The following ELP4 variants were observed in gnomAD, a reference collection of about 807,000 sequenced individuals.
ELP4 encodes the protein elongator acetyltransferase complex subunit 4.
A neutral mutation model predicts 48.9 loss-of-function variants in ELP4; 51 were observed. The observed-to-expected ratio is 1.04, with a 90% CI of 0.83 to 1.32. The LOEUF (loss-of-function observed/expected upper bound fraction) is 1.32, where lower values mean the gene tolerates loss of function less well. Among genes scored for constraint, ELP4 ranks in the 40% most tolerant of loss-of-function variants. The pLI is 0.00. For missense variants in ELP4, 519 were observed against 514.6 expected, an observed-to-expected ratio of 1.01 and a Z score of -0.08; for synonymous variants, 210 against 189.2, an observed-to-expected ratio of 1.11 and a Z score of -0.90.
At chr11:31,679,417 G>A (rs1946009602) in intron 9 of ELP4, among the ~76,000 whole-genome samples, 1 of 152,140 alleles carries the variant, frequency 6.6e-6, no homozygotes, top group Non-Finnish European at 1.5e-5. Context: ...AGTTCTGGAG[G>A]TCAGAAGTCT....
intron 9 of ELP4, among the ~76,000 whole-genome samples, chr11:31,724,882 A>G (rs942549614): frequency 2.0e-5 from 3 of 152,194 alleles, no homozygotes; most frequent in African/African-American, 7.2e-5. Context: ...TAAAATTTTA[A>G]TCTCAAATAT....
At chr11:31,638,133 T>C (rs1945019069) in intron 7 of ELP4, among the ~76,000 whole-genome samples, 1 of 151,916 alleles carries the variant, frequency 6.6e-6, no homozygotes, top group Admixed American at 6.6e-5. Context: ...TTATTGCTAA[T>C]CTTTATTCAA....
intron 9 of ELP4, among the ~76,000 whole-genome samples, chr11:31,732,986 C>G (rs558285577): frequency 1.3e-5 from 2 of 151,882 alleles, no homozygotes; most frequent in Non-Finnish European, 2.9e-5. Context: ...GATTTCATAC[C>G]CCACTTTAAA....
intron 9 of ELP4, among the ~76,000 whole-genome samples, chr11:31,687,038 A>G (rs891355091): frequency 1.3e-5 from 2 of 152,158 alleles, no homozygotes; most frequent in Non-Finnish European, 2.9e-5. Context: ...AGATAAAATC[A>G]ACTGAACTTA....
chr11:31,601,925 T>C (rs1191528299), intron 4 of ELP4, among the ~76,000 whole-genome samples: 2 of 152,100 alleles, frequency 1.3e-5, no homozygotes, highest in African/African-American at 4.8e-5. Context: ...CCACCCAGTT[T>C]GTAGGCACTC....
chr11:31,542,892 T>A (rs189536866), intron 3 of ELP4, among the ~76,000 whole-genome samples: 1 of 152,202 alleles, frequency 6.6e-6, no homozygotes, highest in South Asian at 2.1e-4. Flanking sequence ...ACAAGTATAT[T>A]ATAAATATTC....
chr11:31,573,143 C>T (rs1010508505), intron 3 of ELP4, among the ~76,000 whole-genome samples: 1 of 152,154 alleles, frequency 6.6e-6, no homozygotes, highest in Non-Finnish European at 1.5e-5. Context: ...AGTAAATGTT[C>T]ACAGTTTTAT....
At chr11:31,621,857 G>A (rs1185177605) in intron 5 of ELP4, among the ~76,000 whole-genome samples, 2 of 151,742 alleles carry the variant, frequency 1.3e-5, no homozygotes, top group Non-Finnish European at 2.9e-5. Context: ...TCTCACTGTG[G>A]GGCTTTATCT....
At chr11:31,742,547 A>T (rs1416061491) in intron 9 of ELP4, among the ~76,000 whole-genome samples, 1 of 152,216 alleles carries the variant, frequency 6.6e-6, no homozygotes, top group Non-Finnish European at 1.5e-5. Flanking sequence ...CTAACGGCTG[A>T]TCTCTCTGCA....
chr11:31,523,830 A>G (rs899542559), intron 2 of ELP4, among the ~76,000 whole-genome samples: 7 of 152,280 alleles, frequency 4.6e-5, no homozygotes, highest in East Asian at 1.9e-4. Flanking sequence ...TGTTTTATCT[A>G]TATTACTTTC....
chr11:31,741,824 T>A (rs192900615), intron 9 of ELP4, among the ~76,000 whole-genome samples: 3 of 152,074 alleles, frequency 2.0e-5, no homozygotes, highest in African/African-American at 7.2e-5. Context: ...CTGGAAACTC[T>A]AAAAATCACA....
rs1027963002 is a variant in ELP4, at chr11:31,786,295, A to T, written c.*2771A>T. The T allele has an allele frequency of 9.5e-6, 2 of 209,472 alleles. No individual in the cohort carries two copies. Among genetic ancestry groups the T allele is most frequent in the Non-Finnish European group, 1.9e-5 (2 of 102,980 alleles). The allele number at this position is 209,472 out of a possible 1,614,324, so 13.0% of individuals were successfully genotyped here. Reference sequence around the variant, plus strand: ...CCCTATTCATTTGTTTAAGCCCATTATTAATGTCATTTCTAAGACAGCATG... The same window carrying T: ...CCCTATTCATTTGTTTAAGCCCATTTTTAATGTCATTTCTAAGACAGCATG... On this transcript the variant is annotated 3_prime_UTR_variant, in exon 10 of 10. Transcript: ENST00000640961.
intron 5 of ELP4, among the ~76,000 whole-genome samples, chr11:31,611,094 C>G (rs1353159452): frequency 6.6e-6 from 1 of 152,190 alleles, no homozygotes; most frequent in Admixed American, 6.5e-5. Context: ...TGGTCTTGCT[C>G]TTTGCTCTTT....
At chr11:31,779,003 G>A (rs982585750) in intron 9 of ELP4, among the ~76,000 whole-genome samples, 5 of 151,952 alleles carry the variant, frequency 3.3e-5, no homozygotes, top group Admixed American at 1.3e-4. Flanking sequence ...GAGCTACCCC[G>A]TGCCTGGCAA....
chr11:31,580,056 A>G (rs1957361951), intron 3 of ELP4, among the ~76,000 whole-genome samples: 2 of 152,168 alleles, frequency 1.3e-5, no homozygotes, highest in African/African-American at 2.4e-5. Context: ...TATCAAAGTT[A>G]ATGGATGGAG....
intron 3 of ELP4, among the ~76,000 whole-genome samples, chr11:31,543,480 C>T (rs990398460): frequency 3.3e-5 from 5 of 152,012 alleles, no homozygotes; most frequent in Non-Finnish European, 7.4e-5. Flanking sequence ...CCACCATGTC[C>T]GGCTAATTTT....
chr11:31,608,932 G>A (rs959200631), intron 5 of ELP4, among the ~76,000 whole-genome samples: 1 of 152,048 alleles, frequency 6.6e-6, no homozygotes, highest in East Asian at 1.9e-4. Flanking sequence ...ATGCAGATAG[G>A]GCCAAGGGTC....
chr11:31,661,976 G>A (rs1483541795), intron 9 of ELP4, among the ~76,000 whole-genome samples: 1 of 151,980 alleles, frequency 6.6e-6, no homozygotes, highest in East Asian at 1.9e-4. Flanking sequence ...AATCCTTATT[G>A]AAGAATCATC....
At chr11:31,626,395 C>A (rs929311982) in intron 5 of ELP4, among the ~76,000 whole-genome samples, 8 of 151,694 alleles carry the variant, frequency 5.3e-5, no homozygotes, top group Admixed American at 3.3e-4. Context: ...CACAGATTGT[C>A]CATTATGCAG....
Sources: allele counts gnomAD v4.1 joint callset (sites outside exome capture counted in the v4.1 genomes callset), GRCh38; gene constraint gnomAD v4.1.1; transcripts MANE v1.5; gene names NCBI Gene and HGNC (gene_info 2026-07-23, HGNC 2026-07-21).